Variants in SRGAP1 observed in about 807,000 individuals in gnomAD.
The protein encoded by SRGAP1 is SLIT-ROBO Rho GTPase-activating protein 1.
In SRGAP1, 43 loss-of-function variants were observed where a neutral mutation model predicts 121.9. The observed-to-expected ratio is 0.35, with a 90% CI of 0.28 to 0.46. SRGAP1 has a LOEUF of 0.46. Ranked by LOEUF, SRGAP1 falls within the 20% of genes least tolerant of loss-of-function variation. The pLI is 1.00. For missense variants in SRGAP1, 1,102 were observed against 1,350.9 expected, an observed-to-expected ratio of 0.82 and a Z score of 2.89; for synonymous variants, 447 against 485.4, an observed-to-expected ratio of 0.92 and a Z score of 1.04.
Position 64,043,589 on chromosome 12 carries a change from GT to G in SRGAP1, c.801+19del. 6.4e-7 allele frequency: 1 copy of G among 1,571,236 alleles called. No individual in the cohort carries two copies. Among genetic ancestry groups the G allele is most frequent in the Non-Finnish European group, 8.6e-7 (1 of 1,160,724 alleles). On this transcript the variant is annotated intron_variant, in intron 6 of 21. Coordinates refer to ENST00000355086, the MANE Select transcript of SRGAP1 (RefSeq NM_020762.4). The stretch of plus-strand genomic sequence containing the variant: ...GATTTAATTGATGTGAGTACTTGAA[GT>G]TTTTGTCTTTTCCATATTAAAATGA...
chr12:64,150,811 T>A lies in SRGAP1; in HGVS notation c.*8139T>A, dbSNP rs1193913771. ...TTAGCCAGACATAGTAGTACATGCC[T>A]ATAGTACTAGGTACTTGGGAGGCTG... On this transcript the variant is annotated 3_prime_UTR_variant, in exon 22 of 22. Coordinates refer to ENST00000355086, the MANE Select transcript of SRGAP1 (RefSeq NM_020762.4). 1 of 142,170 alleles carries A rather than the reference T, an allele frequency of 7.0e-6. No individual in the cohort carries two copies. Among genetic ancestry groups the A allele is most frequent in the Non-Finnish European group, 1.6e-5 (1 of 63,758 alleles). The allele number at this position is 142,170 out of a possible 1,614,324, so 8.8% of individuals were successfully genotyped here. A position where few individuals can be genotyped will look rare whatever the true frequency, so the allele number is the denominator to read the frequency against.
intron 1 of SRGAP1, among the ~76,000 whole-genome samples, chr12:63,910,325 ATC>A (rs927703038): frequency 6.6e-6 from 1 of 152,130 alleles, no homozygotes; most frequent in Admixed American, 6.5e-5. Flanking sequence ...GTTTCCCCCA[ATC>A]TCTCTGGCAG....
chr12:63,861,045 G>T (rs1000720437), intron 1 of SRGAP1, among the ~76,000 whole-genome samples: 1 of 150,724 alleles, frequency 6.6e-6, no homozygotes, highest in Non-Finnish European at 1.5e-5. Flanking sequence ...CCTTTTTAAG[G>T]TTTGTATTTA....
chr12:63,953,511 TTCCACTTTAGCC>T (rs985636833), intron 1 of SRGAP1, among the ~76,000 whole-genome samples: 8 of 151,694 alleles, frequency 5.3e-5, no homozygotes, highest in African/African-American at 1.9e-4. Context: ...CAAGCGATCC[TTCCACTTTAGCC>T]TCCCGAGTAG....
chr12:64,013,343 C>T (rs1351501372), intron 3 of SRGAP1, among the ~76,000 whole-genome samples: 2 of 152,174 alleles, frequency 1.3e-5, no homozygotes, highest in Non-Finnish European at 2.9e-5. Context: ...TTTTATCTGG[C>T]CCAAGTATCT....
At chr12:63,907,004 G>A (rs1325007161) in intron 1 of SRGAP1, among the ~76,000 whole-genome samples, 1 of 151,852 alleles carries the variant, frequency 6.6e-6, no homozygotes, top group Non-Finnish European at 1.5e-5. Flanking sequence ...AACACAAATT[G>A]TGCCTCGTTT....
At chr12:63,886,344 G>T (rs139799257) in intron 1 of SRGAP1, among the ~76,000 whole-genome samples, 1 of 149,324 alleles carries the variant, frequency 6.7e-6, no homozygotes, top group East Asian at 1.9e-4. Flanking sequence ...TTAGAGGCAT[G>T]AGCCATCGTG....
chr12:64,121,834 A>ATT (rs35210235), intron 18 of SRGAP1, among the ~76,000 whole-genome samples: 69,028 of 151,780 alleles, frequency 0.45, 16,227 homozygotes, highest in East Asian at 0.64. Context: ...TGTTCACCTG[A>ATT]TTTTTTGGAA....
At chr12:63,902,141 C>T (rs143130094) in intron 1 of SRGAP1, among the ~76,000 whole-genome samples, 1 of 152,270 alleles carries the variant, frequency 6.6e-6, no homozygotes, top group African/African-American at 2.4e-5. Flanking sequence ...ATGGTGAAAC[C>T]CCATCGCTAT....
At chr12:63,963,108 G>A (rs1453166672) in intron 1 of SRGAP1, among the ~76,000 whole-genome samples, 2 of 152,066 alleles carry the variant, frequency 1.3e-5, no homozygotes, top group Non-Finnish European at 2.9e-5. Context: ...ATGCCGTGGA[G>A]AGAAAATAAA....
intron 4 of SRGAP1, among the ~76,000 whole-genome samples, chr12:64,039,304 AC>A (rs1214267931): frequency 6.6e-6 from 1 of 152,180 alleles, no homozygotes; most frequent in Admixed American, 6.5e-5. Flanking sequence ...ATGATGAGAT[AC>A]ACTCTTTTCT....
intron 6 of SRGAP1, among the ~76,000 whole-genome samples, chr12:64,061,993 T>G (rs2035458593): frequency 6.6e-6 from 1 of 150,838 alleles, no homozygotes; most frequent in Non-Finnish European, 1.5e-5. Flanking sequence ...TATAAACATT[T>G]GTGTGCACAT....
At chr12:63,935,925 C>T (rs1015051752) in intron 1 of SRGAP1, among the ~76,000 whole-genome samples, 1 of 151,738 alleles carries the variant, frequency 6.6e-6, no homozygotes, top group African/African-American at 2.4e-5. Flanking sequence ...CATTTATACC[C>T]AAAAAAGAGA....
chr12:64,018,706 A>C (rs911023900), intron 4 of SRGAP1, among the ~76,000 whole-genome samples: 1 of 152,198 alleles, frequency 6.6e-6, no homozygotes, highest in Non-Finnish European at 1.5e-5. Context: ...TCCACTCTCC[A>C]TGCAACCTAC....
intron 21 of SRGAP1, among the ~76,000 whole-genome samples, chr12:64,141,602 C>CT (rs1393119149): frequency 1.3e-5 from 2 of 151,952 alleles, no homozygotes; most frequent in Non-Finnish European, 2.9e-5. Flanking sequence ...AGTTGAAAAT[C>CT]TTTTTTTCAA....
chr12:64,114,630 C>T (rs966884108), intron 17 of SRGAP1, among the ~76,000 whole-genome samples: 3 of 152,138 alleles, frequency 2.0e-5, no homozygotes, highest in Non-Finnish European at 2.9e-5. Flanking sequence ...GGATTACAGG[C>T]GTGAGCCACC....
chr12:64,141,290 A>AAG (rs2036958127), intron 21 of SRGAP1, among the ~76,000 whole-genome samples: 2 of 140,212 alleles, frequency 1.4e-5, no homozygotes, highest in Non-Finnish European at 3.1e-5. Context: ...AAAAAAAAAA[A>AAG]GAAAAACTTG....
At chr12:63,897,909 A>G (rs753820711) in intron 1 of SRGAP1, among the ~76,000 whole-genome samples, 1 of 152,158 alleles carries the variant, frequency 6.6e-6, no homozygotes, top group African/African-American at 2.4e-5. Flanking sequence ...TCAGAGAAAA[A>G]GAAGGCACAA....
intron 1 of SRGAP1, among the ~76,000 whole-genome samples, chr12:63,924,196 C>G (rs2031174532): frequency 6.6e-6 from 1 of 152,106 alleles, no homozygotes; most frequent in South Asian, 2.1e-4. Flanking sequence ...AGTATGAACT[C>G]TATAAAACCT....
Sources: gnomAD v4.1 joint callset for allele counts (sites outside exome capture counted in the v4.1 genomes callset) on GRCh38, gnomAD v4.1.1 for gene constraint, MANE v1.5 for transcripts, NCBI Gene and HGNC (gene_info 2026-07-23, HGNC 2026-07-21) for gene names.